Variants in MVB12A observed in about 807,000 individuals in gnomAD.
The protein encoded by MVB12A is CIN85/CD2AP family binding protein.
A neutral mutation model predicts 34.3 loss-of-function variants in MVB12A; 30 were observed. The observed-to-expected ratio is 0.88, with a 90% CI of 0.65 to 1.19. The LOEUF (loss-of-function observed/expected upper bound fraction) is 1.19. Ranked by LOEUF, MVB12A falls within the 50% of genes most tolerant of loss-of-function variation. The pLI is 0.00. For synonymous variants in MVB12A, 158 were observed against 158.9 expected (o/e 0.99, Z 0.04); for missense variants, 355 against 369.2 (o/e 0.96, Z 0.31).
chr19:17,423,062 C>A (rs920587690), intron 4 of MVB12A: 1 of 148,812 alleles, frequency 6.7e-6, no homozygotes, highest in African/African-American at 2.5e-5. Flanking sequence ...AAACAAAAAT[C>A]CCCCAAAAGA....
intron 2 of MVB12A, among the ~76,000 whole-genome samples, chr19:17,408,238 C>T (rs990343232): frequency 2.0e-5 from 3 of 151,872 alleles, no homozygotes; most frequent in Non-Finnish European, 2.9e-5. Flanking sequence ...GGTGGCTTGC[C>T]GCCCACAATT....
At position 17,424,961 on chromosome 19, in the gene MVB12A, G is replaced by T. The variant is rs374622630; in HGVS notation, c.790G>T (p.Ala264Ser). 5 of 1,609,460 alleles carry T rather than the reference G, an allele frequency of 3.1e-6. No homozygotes were observed. Among genetic ancestry groups the T allele is most frequent in the Non-Finnish European group, 8.5e-7 (1 of 1,177,866 alleles). ...CTACGGCTTCGTGGTGGAGAAGACC[G>T]CGGCTGCCCGCCTGCCCCCCAGCGT... is the stretch of plus-strand genomic sequence containing the variant. The part of the protein sequence containing the change: ...YNYGFVVEKT[A>S]AARLPPSVS Residue 264 changes from alanine to serine, a missense_variant, in exon 9 of 9, where the codon GCG becomes TCG. Coordinates refer to ENST00000317040, the MANE Select transcript of MVB12A (RefSeq NM_138401.4).
rs1029514682 is a variant in MVB12A, at chr19:17,423,676, A to C, written c.534-17A>C. ...TTGTGGGAGGATGAGGCTTAACCTG[A>C]GTCATCCCACCTCCAGTAAGGGCGG... On this transcript the variant is annotated splice_polypyrimidine_tract_variant and intron_variant, in intron 5 of 8. Transcript: ENST00000317040. The C allele has an allele frequency of 6.2e-7, 1 of 1,613,622 alleles. No individual in the cohort carries two copies. Among genetic ancestry groups the C allele is most frequent in the African/African-American group, 1.3e-5 (1 of 75,044 alleles).
rs1000102962 is a variant in MVB12A at position 17,425,059 on chromosome 19, C to T, written c.*66C>T. The T allele has an allele frequency of 5.3e-6, 3 of 566,880 alleles. No homozygotes were observed. The highest frequency in any genetic ancestry group is 3.7e-5 in the Admixed American group (1 of 27,092). 35.1% of individuals were successfully genotyped at this position (566,880 alleles called of 1,614,324 possible). On this transcript the variant is annotated 3_prime_UTR_variant, in exon 9 of 9. Coordinates refer to ENST00000317040, the MANE Select transcript of MVB12A (RefSeq NM_138401.4). ...CCCCGCCAGCCTGGGGCCACCCCCC[C>T]TCACTGCATCCTGGGGCCACCCCCA... is the stretch of plus-strand genomic sequence containing the variant.
Position 17,420,339 on chromosome 19 carries a change from C to T in MVB12A, c.117C>T (p.Pro39=), listed in dbSNP as rs202023401. Residue 39 remains proline, a synonymous_variant, in exon 2 of 9, where the codon CCC becomes CCT. Coordinates refer to ENST00000317040, the MANE Select transcript of MVB12A (RefSeq NM_138401.4). ...SAISCTVEGA[P]ASFGKSFAQK... is the part of the protein sequence containing the mutation. ...TCTCCTGCACCGTCGAGGGGGCACC[C>T]GCCAGCTTTGGCAAGAGCTTCGCGC... The T allele has an allele frequency of 1.7e-5, 27 of 1,612,616 alleles. No homozygotes were observed. The South Asian group carries it at 2.3e-4, about 14-fold the overall frequency.
rs1401717782 is a variant in MVB12A at position 17,420,231 on chromosome 19, C to T, written c.90+6C>T. On this transcript the variant is annotated splice_donor_region_variant and intron_variant, in intron 1 of 8. Transcript: ENST00000317040. ...CGCCGCGGGGGTTCAGCGCGGTGAGCGGCGTCGAGGGGCGGGGGTCGAATG... is the reference window on the plus strand; with the variant it reads ...CGCCGCGGGGGTTCAGCGCGGTGAGTGGCGTCGAGGGGCGGGGGTCGAATG... 4.0e-6 allele frequency: 6 copies of T among 1,496,542 alleles called. No individual in the cohort carries two copies. In the South Asian group the frequency reaches 4.1e-5, roughly 10 times the overall value. 92.7% of individuals were successfully genotyped at this position (1,496,542 alleles called of 1,614,324 possible).
At chr19:17,423,456 C>T in intron 4 of MVB12A, 42 bp from the exon 5 acceptor site, 11 of 1,600,334 alleles carry the variant, frequency 6.9e-6, no homozygotes, top group Non-Finnish European at 9.4e-6. Context: ...ACCCTGGCCC[C>T]ACACCGGGCC....
chr19:17,412,139 G>GT (rs1219091928), intron 2 of MVB12A, among the ~76,000 whole-genome samples: 1 of 152,198 alleles, frequency 6.6e-6, no homozygotes, highest in Non-Finnish European at 1.5e-5. Context: ...GCCACCAGAC[G>GT]TGACAAGCCC....
At chr19:17,416,580 T>C (rs2074801157), upstream of MVB12A, among the ~76,000 whole-genome samples, 1 of 151,980 alleles carries the variant, frequency 6.6e-6, no homozygotes, top group South Asian at 2.1e-4. Context: ...CAAGCCTGGC[T>C]AATTGTTTTG....
In MVB12A at chr19:17,425,157, T is replaced by C; in HGVS notation, c.*164T>C. 1.8e-6 allele frequency: 1 copy of C among 571,178 alleles called. No homozygotes were observed. Among genetic ancestry groups the C allele is most frequent in the Non-Finnish European group, 3.1e-6 (1 of 323,152 alleles). The allele number at this position is 571,178 out of a possible 1,614,324, so 35.4% of individuals were successfully genotyped here. ...CAGCCACTGGGCGGAGCTGCAGCCCTGGAGGAGGGGGCGGGTCGAGGCTGC... is the reference window on the plus strand; with the variant it reads ...CAGCCACTGGGCGGAGCTGCAGCCCCGGAGGAGGGGGCGGGTCGAGGCTGC... On this transcript the variant is annotated 3_prime_UTR_variant, in exon 9 of 9. Coordinates refer to ENST00000317040, the MANE Select transcript of MVB12A (RefSeq NM_138401.4).
At chr19:17,420,255 T>C (rs2074829284) in intron 1 of MVB12A, 30 bp downstream of exon 1, 1 of 1,522,974 alleles carries the variant, frequency 6.6e-7, no homozygotes, top group Non-Finnish European at 8.8e-7. Context: ...GGGGGTCGAA[T>C]GGGGGAGGCA....
At chr19:17,418,816 C>A (rs1186257235), upstream of MVB12A, 1 of 149,540 alleles carries the variant, frequency 6.7e-6, no homozygotes, top group South Asian at 2.1e-4. Flanking sequence ...CCACCTCAGC[C>A]TCCCTGTTAC....
rs773029690 is a variant in MVB12A at position 17,420,224 on chromosome 19, C to T, written c.89C>T (p.Ala30Val). ...ASAPPPRGFS[A>V]ISCTVEGAPA... ...GCACCCCCGCCGCGGGGGTTCAGCG[C>T]GGTGAGCGGCGTCGAGGGGCGGGGG... The change falls in exon 1 of 9, where the codon GCG (alanine) becomes GTG (valine). Residue 30 changes from alanine (A) to valine (V), a missense_variant and splice_region_variant. By Grantham distance (64) the Ala-to-Val change is moderately conservative. Transcript: ENST00000317040. 2.1e-5 allele frequency: 32 copies of T among 1,492,088 alleles called. No individual in the cohort carries two copies. In the African/African-American group the frequency reaches 4.3e-4, roughly 20 times the overall value. The allele number at this position is 1,492,088 out of a possible 1,614,324, so 92.4% of individuals were successfully genotyped here.
intron 3 of MVB12A, 96 bp downstream of exon 3, chr19:17,420,730 G>GC: frequency 1.2e-6 from 1 of 822,734 alleles, no homozygotes; most frequent in Non-Finnish European, 2.0e-6. Flanking sequence ...AGCCTCGGCT[G>GC]CCCCCTGGCA....
chr19:17,419,633 A>G (rs2074822311), upstream of MVB12A: 1 of 152,498 alleles, frequency 6.6e-6, no homozygotes, highest in African/African-American at 2.4e-5. Context: ...CACGTTGGCC[A>G]GGAGGGTCTC....
At position 17,424,075 on chromosome 19, in the gene MVB12A, G is replaced by T; in HGVS notation, c.702+8G>T. On this transcript the variant is annotated splice_region_variant and intron_variant, in intron 7 of 8. Transcript: ENST00000317040. Reference sequence around the variant, plus strand: ...AAGAGCTGCAGCCCCCTGGTGAGTCGGGGTCTCAGGGAGCCTGGGTCTGCG... The same window carrying T: ...AAGAGCTGCAGCCCCCTGGTGAGTCTGGGTCTCAGGGAGCCTGGGTCTGCG... 6.2e-7 allele frequency: 1 copy of T among 1,613,824 alleles called. No individual in the cohort carries two copies.
At chr19:17,407,799 C>T (rs1005600435) in intron 2 of MVB12A, among the ~76,000 whole-genome samples, 1 of 152,194 alleles carries the variant, frequency 6.6e-6, no homozygotes, top group Non-Finnish European at 1.5e-5. Flanking sequence ...CTTCTCCAAA[C>T]TCCCCCAGGG....
At position 17,424,100 on chromosome 19, in the gene MVB12A, G is replaced by A. The variant is rs767085648; in HGVS notation, c.702+33G>A. On this transcript the variant is annotated intron_variant, in intron 7 of 8. Transcript: ENST00000317040. ...GGGGTCTCAGGGAGCCTGGGTCTGC[G>A]CCTGCCATCACCATTCTGGGTGCCA... 2.4e-5 allele frequency: 39 copies of A among 1,601,148 alleles called. No homozygotes were observed. In the African/African-American group the frequency reaches 2.5e-4, roughly 10 times the overall value.
rs1222317234 is a variant in MVB12A at position 17,420,423 on chromosome 19, C to G, written c.189+12C>G. 6.2e-7 allele frequency: 1 copy of G among 1,613,156 alleles called. No homozygotes were observed. The highest frequency in any genetic ancestry group is 1.7e-5 in the Admixed American group (1 of 59,984). The stretch of plus-strand genomic sequence containing the variant: ...TGGGCAGCCTAGAGGTAAGAGGTGC[C>G]CACCTTCGGAACCACCAGGGTCTGC... On this transcript the variant is annotated intron_variant, in intron 2 of 8. Transcript: ENST00000317040.
Sources: gnomAD v4.1 joint callset for allele counts (sites outside exome capture counted in the v4.1 genomes callset) on GRCh38, gnomAD v4.1.1 for gene constraint, MANE v1.5 for transcripts, NCBI Gene and HGNC (gene_info 2026-07-23, HGNC 2026-07-21) for gene names.